Variants in PLEKHG5 observed in about 807,000 individuals in gnomAD.
The protein encoded by PLEKHG5 is pleckstrin homology and RhoGEF domain containing G5, also known as pleckstrin homology domain-containing family G member 5.
In PLEKHG5, 52 loss-of-function variants were observed where a neutral mutation model predicts 103.8. The ratio of observed to expected loss-of-function variants is 0.50; its 90% CI spans 0.40 to 0.63. PLEKHG5 has a LOEUF of 0.63. Ranked by LOEUF, PLEKHG5 falls within the 30% of genes least tolerant of loss-of-function variation. The pLI is 0.00. For synonymous variants in PLEKHG5, 592 were observed against 575.5 expected (o/e 1.03, Z -0.41); for missense variants, 1,205 against 1,347.6 (o/e 0.89, Z 1.66).
chr1:6,485,214 C>CG, intron 1 of PLEKHG5: 1 of 706,614 alleles, frequency 1.4e-6, no homozygotes, highest in Non-Finnish European at 2.0e-6. Context: ...CTGGGGGCCG[C>CG]GGGGCCCATA....
Position 6,468,476 on chromosome 1 carries a change from G to A in PLEKHG5, c.2360C>T (p.Thr787Ile). 2 of 1,613,078 alleles carry A rather than the reference G, an allele frequency of 1.2e-6. No individual in the cohort carries two copies. Among genetic ancestry groups the A allele is most frequent in the South Asian group, 2.2e-5 (2 of 91,078 alleles). Reference protein sequence around the residue: ...SGPFSSQSDETSLSTTASSAT... With the variant: ...SGPFSSQSDEISLSTTASSAT... ...AGATGAGGCAGTGGTGCTGAGAGAG[G>A]TCTCATCAGACTGGGAGCTGAAAGG... The change falls in exon 20 of 21, where the codon ACC (threonine) becomes ATC (isoleucine). Residue 787 changes from threonine to isoleucine, a missense_variant. Transcript: ENST00000377728.
intron 7 of PLEKHG5, among the ~76,000 whole-genome samples, chr1:6,473,753 C>T (rs1185875184): frequency 6.6e-6 from 1 of 152,152 alleles, no homozygotes; most frequent in Non-Finnish European, 1.5e-5. Context: ...TACAAGTGCT[C>T]TCACACACAC....
intron 1 of PLEKHG5, among the ~76,000 whole-genome samples, chr1:6,518,571 A>G (rs1638691876): frequency 6.6e-6 from 1 of 151,644 alleles, no homozygotes; most frequent in Non-Finnish European, 1.5e-5. Flanking sequence ...AAAAAAAAAA[A>G]AAAAGAAAAA....
chr1:6,470,703 G>A (rs747120160), intron 14 of PLEKHG5, 32 bp downstream of exon 14: 5 of 1,552,452 alleles, frequency 3.2e-6, no homozygotes, highest in Admixed American at 3.9e-5. Flanking sequence ...AGCCGCGCAG[G>A]GGGGACGGCT....
chr1:6,509,609 C>A (rs1638420008), intron 1 of PLEKHG5, among the ~76,000 whole-genome samples: 1 of 152,198 alleles, frequency 6.6e-6, no homozygotes, highest in South Asian at 2.1e-4. Flanking sequence ...CTGGGGGCTC[C>A]ACGGGCCCCT....
chr1:6,477,567 T>A lies in PLEKHG5; in HGVS notation c.5A>T (p.His2Leu). 1 of 1,612,690 alleles carries A rather than the reference T, an allele frequency of 6.2e-7. No individual in the cohort carries two copies. Among genetic ancestry groups the A allele is most frequent in the Non-Finnish European group, 8.5e-7 (1 of 1,179,986 alleles). M[H>L]YDGHVRFDLP... ...GTCGAAGCGGACATGCCCATCATAATGCATGGTGCTGTGGAACTTGCTGTC... is the reference window on the plus strand; with the variant it reads ...GTCGAAGCGGACATGCCCATCATAAAGCATGGTGCTGTGGAACTTGCTGTC... Residue 2 changes from histidine (H) to leucine (L), a missense_variant, in exon 2 of 21, where the codon CAT becomes CTT. Physicochemically the swap from His to Leu is moderately conservative, Grantham distance 99. Coordinates refer to ENST00000377728, the MANE Select transcript of PLEKHG5 (RefSeq NM_020631.6).
chr1:6,480,749 A>G (rs569342323), intron 1 of PLEKHG5, among the ~76,000 whole-genome samples: 9 of 151,650 alleles, frequency 5.9e-5, no homozygotes, highest in Admixed American at 1.3e-4. Context: ...CCTGGGTTCA[A>G]GTGATTCTCC....
intron 1 of PLEKHG5, among the ~76,000 whole-genome samples, chr1:6,510,905 A>G (rs1033055968): frequency 3.9e-5 from 6 of 152,202 alleles, no homozygotes; most frequent in Non-Finnish European, 5.9e-5. Flanking sequence ...CCTGGCCAAC[A>G]TGATGACATC....
At position 6,490,467 on chromosome 1, in the gene PLEKHG5, C is replaced by T; in HGVS notation, c.-88+1170G>A. 1 of 970,626 alleles carries T rather than the reference C, an allele frequency of 1.0e-6. No homozygotes were observed. Among genetic ancestry groups the T allele is most frequent in the Non-Finnish European group, 1.2e-6 (1 of 829,126 alleles). 60.1% of individuals were successfully genotyped at this position (970,626 alleles called of 1,614,324 possible). Reference sequence around the variant, plus strand: ...CACCTAGGAACAGGACCAGGGTCTCCTCCCCGGTGTCTAAGGCTCTAAGGC... The same window carrying T: ...CACCTAGGAACAGGACCAGGGTCTCTTCCCCGGTGTCTAAGGCTCTAAGGC... On this transcript the variant is annotated intron_variant, in intron 1 of 20. Transcript: ENST00000377728. This position sits in a 1 kb window ranked among gnomAD's most constrained non-coding sequence, Gnocchi z 8.0.
At chr1:6,519,642 C>T in exon 1 of PLEKHG5, 1 of 745,654 alleles carries the variant, frequency 1.3e-6, no homozygotes, top group Non-Finnish European at 2.4e-6. Context: ...GAAGGCTTCT[C>T]CCCGACTCAG....
upstream of PLEKHG5, chr1:6,497,335 C>T (rs1260383463): frequency 5.0e-6 from 5 of 1,004,566 alleles, no homozygotes; most frequent in Non-Finnish European, 6.4e-6. This position sits in a 1 kb window ranked among gnomAD's most constrained non-coding sequence, Gnocchi z 6.1. Flanking sequence ...GAGCAGGCCC[C>T]GTGCCGCGCG....
chr1:6,501,471 C>A (rs1645295965), upstream of PLEKHG5, among the ~76,000 whole-genome samples: 1 of 152,192 alleles, frequency 6.6e-6, no homozygotes, highest in African/African-American at 2.4e-5. The surrounding 1 kb of genome is among the most constrained non-coding windows in gnomAD (Gnocchi z 4.3). Flanking sequence ...TGAACCAACA[C>A]CGACCTGTCT....
Position 6,482,347 on chromosome 1 carries a change from A to G in PLEKHG5, c.-87-4689T>C, listed in dbSNP as rs1644924793. Among the ~76,000 whole-genome samples, 3 of 152,170 alleles carry G rather than the reference A, an allele frequency of 2.0e-5. No individual in the cohort carries two copies. In the South Asian group the frequency reaches 6.2e-4, roughly 32 times the overall value. ...CAGCTGCTCCATAAATCCTTGTTTC[A>G]TTTATGAATTAAGGCAGGAGAGAGG... On this transcript the variant is annotated intron_variant, in intron 1 of 20. Transcript: ENST00000377728.
chr1:6,474,004 C>CCT lies in PLEKHG5; in HGVS notation c.591+7_591+8dup. 1 of 1,579,480 alleles carries CCT rather than the reference C, an allele frequency of 6.3e-7. No individual in the cohort carries two copies. Among genetic ancestry groups the CCT allele is most frequent in the Non-Finnish European group, 8.6e-7 (1 of 1,160,000 alleles). On this transcript the variant is annotated intron_variant, in intron 7 of 20. Transcript: ENST00000377728. Reference sequence around the variant, plus strand: ...CACCCCCTCCCCTGACACACCCCCTCCTCCTCACCAAGATGTCCAGGCTCT... The same window carrying CCT: ...CACCCCCTCCCCTGACACACCCCCTCCTCTCCTCACCAAGATGTCCAGGCTCT...
upstream of PLEKHG5, among the ~76,000 whole-genome samples, chr1:6,499,942 G>T (rs958777418): frequency 6.6e-6 from 1 of 152,094 alleles, no homozygotes; most frequent in Non-Finnish European, 1.5e-5. Context: ...TGGGACCACC[G>T]GTGCACACCA....
chr1:6,508,161 C>T (rs888166426), intron 1 of PLEKHG5, among the ~76,000 whole-genome samples: 13 of 120,260 alleles, frequency 1.1e-4, no homozygotes, highest in African/African-American at 6.2e-5. Flanking sequence ...CACAAGGGGA[C>T]GCCCCTGCTG....
intron 3 of PLEKHG5, 68 bp downstream of exon 3, chr1:6,475,863 A>C: frequency 7.9e-7 from 1 of 1,266,078 alleles, no homozygotes; most frequent in Non-Finnish European, 1.2e-6. Flanking sequence ...TCTGGTCCTG[A>C]ATGTCTGATC....
In PLEKHG5 at chr1:6,468,403, G is replaced by C. The variant is rs759272412; in HGVS notation, c.2433C>G (p.Arg811=). Residue 811 remains arginine, a synonymous_variant, in exon 20 of 21, where the codon CGC becomes CGG. Transcript: ENST00000377728. Reference sequence around the variant, plus strand: ...CGTAGGCAGAGTCCATGGAGCAGGAGCGGCCGTCCACCGGACCCAGGGGCA... The same window carrying C: ...CGTAGGCAGAGTCCATGGAGCAGGACCGGCCGTCCACCGGACCCAGGGGCA... ...ELLPLGPVDG[R]SCSMDSAYGT... 1 of 1,611,526 alleles carries C rather than the reference G, an allele frequency of 6.2e-7. No homozygotes were observed. Among genetic ancestry groups the C allele is most frequent in the South Asian group, 1.1e-5 (1 of 90,862 alleles).
Position 6,469,447 on chromosome 1 carries a change from G to T in PLEKHG5, c.1937C>A (p.Ser646Tyr). The change falls in exon 18 of 21, where the codon TCC becomes TAC. Residue 646 changes from serine (S) to tyrosine (Y), a missense_variant. Ser to Tyr is a moderately radical substitution (Grantham distance 144, BLOSUM62 -2). Coordinates refer to ENST00000377728, the MANE Select transcript of PLEKHG5 (RefSeq NM_020631.6). ...IVCRELRDPG[S>Y]FLLIYLNEFH... is the part of the protein sequence containing the mutation. ...CTCATTCAGGTAGATAAGGAGGAAG[G>T]ACCCTGGTTAGGGAAGGCCCAAGTC... The T allele has an allele frequency of 1.2e-6, 2 of 1,613,860 alleles. No homozygotes were observed. Among genetic ancestry groups the T allele is most frequent in the South Asian group, 2.2e-5 (2 of 91,038 alleles).
Sources: allele counts gnomAD v4.1 joint callset (sites outside exome capture counted in the v4.1 genomes callset), GRCh38; gene constraint gnomAD v4.1.1; non-coding constraint Gnocchi (gnomAD v3.1); transcripts MANE v1.5; gene names NCBI Gene and HGNC (gene_info 2026-07-23, HGNC 2026-07-21).